The following PCDHA6 variants were observed in gnomAD, a reference collection of about 807,000 sequenced individuals.
PCDHA6 encodes the protein protocadherin alpha-6.
In PCDHA6, 55 loss-of-function variants were observed where a neutral mutation model predicts 60.3. The observed-to-expected ratio is 0.91, with a 90% CI of 0.73 to 1.14. The LOEUF is 1.14. Ranked by LOEUF, PCDHA6 falls within the 50% of genes most tolerant of loss-of-function variation. The pLI, the probability that PCDHA6 is intolerant of heterozygous loss-of-function variation, is 0.00. For synonymous variants in PCDHA6, 652 were observed against 557.9 expected (o/e 1.17, Z -2.38); for missense variants, 1,327 against 1,256.5 (o/e 1.06, Z -0.85).
At chr5:140,965,037 C>T (rs1260839947) in intron 1 of PCDHA6, among the ~76,000 whole-genome samples, 1 of 152,142 alleles carries the variant, frequency 6.6e-6, no homozygotes, top group African/African-American at 2.4e-5. Context: ...TAACTGTCCG[C>T]TCTAGGAGGG....
intron 1 of PCDHA6, among the ~76,000 whole-genome samples, chr5:140,935,340 C>T (rs781819548): frequency 3.3e-5 from 5 of 152,172 alleles, no homozygotes; most frequent in African/African-American, 7.2e-5. Context: ...TTCTCCCATA[C>T]GTCAAATCCC....
chr5:140,987,078 G>T (rs1158243032), intron 3 of PCDHA6, among the ~76,000 whole-genome samples: 4 of 152,026 alleles, frequency 2.6e-5, no homozygotes, highest in Non-Finnish European at 5.9e-5. Context: ...GCTGGGCGTG[G>T]TGGCAGGTGC....
chr5:140,946,631 T>TATATACACAC (rs57893927), intron 1 of PCDHA6, among the ~76,000 whole-genome samples: 7 of 131,846 alleles, frequency 5.3e-5, no homozygotes, highest in Non-Finnish European at 1.1e-4. Context: ...TATATATATA[T>TATATACACAC]ACAATGGAAT....
intron 1 of PCDHA6, among the ~76,000 whole-genome samples, chr5:140,973,118 G>T (rs1554234897): frequency 1.3e-5 from 2 of 152,168 alleles, no homozygotes; most frequent in Non-Finnish European, 2.9e-5. Context: ...TAGCAGAGAT[G>T]AATTAAGTTT....
intron 1 of PCDHA6, chr5:140,928,113 G>C: frequency 6.2e-7 from 1 of 1,614,228 alleles, no homozygotes; most frequent in Admixed American, 1.7e-5. Context: ...ACCGGGAGCA[G>C]ATCAGTGAAT....
At chr5:140,883,410 C>T in intron 1 of PCDHA6, 2 of 1,614,180 alleles carry the variant, frequency 1.2e-6, no homozygotes, top group Non-Finnish European at 1.7e-6. Flanking sequence ...GACTCTGGCT[C>T]AAATGGACAG....
At chr5:140,858,132 A>G (rs781998170) in intron 1 of PCDHA6, 3 of 1,597,528 alleles carry the variant, frequency 1.9e-6, no homozygotes, top group Non-Finnish European at 2.6e-6. Context: ...GTGGATGTCA[A>G]CGTGTACCTG....
At chr5:141,006,951 T>TA (rs1428990680) in intron 3 of PCDHA6, among the ~76,000 whole-genome samples, 1 of 152,164 alleles carries the variant, frequency 6.6e-6, no homozygotes, top group Non-Finnish European at 1.5e-5. Context: ...GATAGGCAGT[T>TA]ATACATGAGA....
intron 1 of PCDHA6, among the ~76,000 whole-genome samples, chr5:140,846,410 T>C (rs1476345835): frequency 7.2e-6 from 1 of 138,236 alleles, no homozygotes; most frequent in Non-Finnish European, 1.6e-5. Flanking sequence ...AGTCTCGCTC[T>C]ATCTCCCAGG....
At chr5:140,852,945 C>G in intron 1 of PCDHA6, 1 of 522,890 alleles carries the variant, frequency 1.9e-6, no homozygotes, top group Non-Finnish European at 2.5e-6. Context: ...GTGGTGCCAT[C>G]TTGGCTCACT....
chr5:140,877,070 T>A (rs2056830444), intron 1 of PCDHA6: 4 of 1,613,050 alleles, frequency 2.5e-6, no homozygotes, highest in Non-Finnish European at 3.4e-6. Flanking sequence ...CTGCTGCAGT[T>A]CCAGGTGAGC....
chr5:140,997,713 T>C (rs2097782364), intron 3 of PCDHA6, among the ~76,000 whole-genome samples: 1 of 151,942 alleles, frequency 6.6e-6, no homozygotes, highest in African/African-American at 2.4e-5. Flanking sequence ...AACAAACACC[T>C]TTCTACGTCA....
rs141789471 is a variant in PCDHA6, at chr5:140,838,199, C to T, written c.2394+7714C>T. Among the ~76,000 whole-genome samples, 332 of 149,502 alleles carry T rather than the reference C, an allele frequency of 2.2e-3. 4 individuals carry two copies. The highest frequency in any genetic ancestry group is 7.4e-3 in the African/African-American group (299 of 40,498). On this transcript the variant is annotated intron_variant, in intron 1 of 3. Transcript: ENST00000529310. Reference sequence around the variant, plus strand: ...TGCAATCTCAGCTCACTGCAAAATCCGCCTCTCTGGTACAAGCAGTTCTCA... The same window carrying T: ...TGCAATCTCAGCTCACTGCAAAATCTGCCTCTCTGGTACAAGCAGTTCTCA...
At chr5:140,877,374 A>T in intron 1 of PCDHA6, 1 of 1,613,970 alleles carries the variant, frequency 6.2e-7, no homozygotes, top group African/African-American at 1.3e-5. Flanking sequence ...TCAGCACGAC[A>T]CGCATCCTGG....
At chr5:140,835,589 G>T (rs2150238885) in intron 1 of PCDHA6, 2 of 1,613,920 alleles carry the variant, frequency 1.2e-6, no homozygotes, top group South Asian at 1.1e-5. Flanking sequence ...CCACCTTCAA[G>T]AATTACTATT....
intron 1 of PCDHA6, among the ~76,000 whole-genome samples, chr5:140,910,102 A>G (rs1206018595): frequency 2.6e-5 from 4 of 152,184 alleles, no homozygotes; most frequent in African/African-American, 9.7e-5. Context: ...CCTCCCCTTC[A>G]TTTAAGGGAT....
chr5:140,882,153 A>C (rs1197738298), intron 1 of PCDHA6: 8 of 1,505,202 alleles, frequency 5.3e-6, no homozygotes, highest in Non-Finnish European at 7.1e-6. Flanking sequence ...CAGAAAGCGG[A>C]ATACCTCTTG....
At chr5:140,851,696 A>G (rs1174127809) in intron 1 of PCDHA6, 1 of 941,376 alleles carries the variant, frequency 1.1e-6, no homozygotes, top group African/African-American at 1.8e-5. Context: ...TGATAAAATG[A>G]TCAGCCATGT....
At chr5:140,838,280 A>ATTTTTTT (rs2150286950) in intron 1 of PCDHA6, among the ~76,000 whole-genome samples, 30 of 139,570 alleles carry the variant, frequency 2.1e-4, no homozygotes, top group African/African-American at 6.5e-4. Context: ...AGCCATGCTA[A>ATTTTTTT]TTTTTTTTTT....
Sources: gnomAD v4.1 joint callset for allele counts (sites outside exome capture counted in the v4.1 genomes callset) on GRCh38, gnomAD v4.1.1 for gene constraint, MANE v1.5 for transcripts, NCBI Gene and HGNC (gene_info 2026-07-23, HGNC 2026-07-21) for gene names.